FAM83B: variants seen among roughly 807,000 people sequenced by gnomAD.
The protein encoded by FAM83B is scaffolding CK1 anchoring protein B.
FAM83B carries 26 observed loss-of-function variants against 38.8 expected under a neutral mutation model. The ratio of observed to expected loss-of-function variants is 0.67; its 90% CI spans 0.49 to 0.93. The LOEUF (loss-of-function observed/expected upper bound fraction) is 0.93, where lower values mean the gene tolerates loss of function less well. FAM83B is among the 40% of genes least tolerant of loss of function. The pLI is 0.00. For synonymous variants in FAM83B, 419 were observed against 423.1 expected, an observed-to-expected ratio of 0.99 and a Z score of 0.12; for missense variants, 1,237 against 1,197.3, an observed-to-expected ratio of 1.03 and a Z score of -0.49.
chr6:54,852,127 C>G (rs1771314478), intron 1 of FAM83B, among the ~76,000 whole-genome samples: 1 of 152,176 alleles, frequency 6.6e-6, no homozygotes, highest in African/African-American at 2.4e-5. Context: ...CAGCACAGTT[C>G]TCTACTTTGG....
chr6:54,851,045 T>C (rs570870813), intron 1 of FAM83B, among the ~76,000 whole-genome samples: 78 of 151,046 alleles, frequency 5.2e-4, no homozygotes, highest in Non-Finnish European at 8.6e-4. Flanking sequence ...AAAAGTGCTG[T>C]ATTTTTCTCA....
At chr6:54,916,414 A>G (rs1446864289) in intron 2 of FAM83B, among the ~76,000 whole-genome samples, 2 of 152,136 alleles carry the variant, frequency 1.3e-5, no homozygotes, top group East Asian at 3.9e-4. Context: ...CAAAATCTAG[A>G]TTCTGAACCT....
intron 2 of FAM83B, among the ~76,000 whole-genome samples, chr6:54,873,886 T>G (rs1394270431): frequency 6.6e-6 from 1 of 152,044 alleles, no homozygotes; most frequent in African/African-American, 2.4e-5. Flanking sequence ...CTTGTGAAAA[T>G]AATGCCATTT....
rs1581937884 is a variant in FAM83B, at chr6:54,941,781, T to C, written c.2810T>C (p.Phe937Ser). 1.2e-6 allele frequency: 2 copies of C among 1,613,996 alleles called. No individual in the cohort carries two copies. The highest frequency in any genetic ancestry group is 2.7e-5 in the African/African-American group (2 of 74,920). Residue 937 changes from phenylalanine to serine, a missense_variant, in exon 5 of 5, where the codon TTT becomes TCT. Transcript: ENST00000306858. ...ACTGATCGGCGTGTTTACAGTCGTT[T>C]TGAGCCGTTTTGTAAGATTGAGAGC... The part of the protein sequence containing the change: ...HSTDRRVYSR[F>S]EPFCKIESSI...
At position 54,925,327 on chromosome 6, in the gene FAM83B, A is replaced by T. The variant is rs138186669; in HGVS notation, c.445-1044A>T. Among the ~76,000 whole-genome samples the T allele has an allele frequency of 5.7e-3, 866 of 152,072 alleles. 11 individuals carry two copies. The highest frequency in any genetic ancestry group is 0.019 in the African/African-American group (782 of 41,478). On this transcript the variant is annotated intron_variant, in intron 2 of 4. Coordinates refer to ENST00000306858, the MANE Select transcript of FAM83B (RefSeq NM_001010872.3). The stretch of plus-strand genomic sequence containing the variant: ...TTATTTATTATCTTTATTACTTATT[A>T]TGTCTTCCCCCACTAGAATGTAAGC...
At chr6:54,913,437 A>G (rs570635837) in intron 2 of FAM83B, among the ~76,000 whole-genome samples, 17 of 152,142 alleles carry the variant, frequency 1.1e-4, no homozygotes, top group Admixed American at 1.0e-3. Flanking sequence ...TATTTATTTG[A>G]TTTTATAGAT....
At chr6:54,938,149 C>G (rs1205057586) in intron 4 of FAM83B, among the ~76,000 whole-genome samples, 1 of 152,102 alleles carries the variant, frequency 6.6e-6, no homozygotes, top group East Asian at 1.9e-4. Context: ...AGTTACTTCA[C>G]TTAGAATAAT....
chr6:54,854,683 T>A (rs924425520), intron 1 of FAM83B, among the ~76,000 whole-genome samples: 2 of 152,152 alleles, frequency 1.3e-5, no homozygotes, highest in Non-Finnish European at 2.9e-5. Context: ...CCAAAAAAAA[T>A]TTGTGTAACT....
intron 2 of FAM83B, among the ~76,000 whole-genome samples, chr6:54,889,152 T>A (rs1221099285): frequency 6.6e-6 from 1 of 152,104 alleles, no homozygotes; most frequent in Non-Finnish European, 1.5e-5. Flanking sequence ...TCTTGGCATC[T>A]GTTGTCTTGA....
chr6:54,851,548 C>T (rs1771288631), intron 1 of FAM83B, among the ~76,000 whole-genome samples: 1 of 152,138 alleles, frequency 6.6e-6, no homozygotes. Context: ...TCTTGGCCCA[C>T]CACAACCTCT....
chr6:54,904,868 C>T (rs1437653673), intron 2 of FAM83B, among the ~76,000 whole-genome samples: 1 of 151,934 alleles, frequency 6.6e-6, no homozygotes, highest in East Asian at 1.9e-4. Context: ...AAAATATATT[C>T]TGTGGAGCAG....
intron 2 of FAM83B, among the ~76,000 whole-genome samples, chr6:54,895,604 T>G (rs1432113282): frequency 6.6e-6 from 1 of 152,224 alleles, no homozygotes; most frequent in Non-Finnish European, 1.5e-5. Context: ...GAACTGAATA[T>G]GTGAAGTTGA....
intron 2 of FAM83B, among the ~76,000 whole-genome samples, chr6:54,894,218 T>A (rs1158124798): frequency 6.6e-6 from 1 of 152,250 alleles, no homozygotes; most frequent in East Asian, 1.9e-4. Context: ...GGGATTGTAG[T>A]GTCCATTGAT....
At chr6:54,851,947 T>G (rs1049512252) in intron 1 of FAM83B, among the ~76,000 whole-genome samples, 3 of 142,296 alleles carry the variant, frequency 2.1e-5, no homozygotes, top group Non-Finnish European at 4.9e-5. Context: ...GCGCCCGGCC[T>G]AATTTTTGTG....
intron 3 of FAM83B, 104 bp downstream of exon 3, chr6:54,926,639 A>C: frequency 1.2e-6 from 1 of 829,216 alleles, no homozygotes; most frequent in African/African-American, 1.7e-5. Context: ...TGAAAAACAA[A>C]AAAAAATACG....
At position 54,941,251 on chromosome 6, in the gene FAM83B, A is replaced by G. The variant is rs1319372469; in HGVS notation, c.2280A>G (p.Glu760=). The G allele has an allele frequency of 6.2e-7, 1 of 1,612,680 alleles. No individual in the cohort carries two copies. Among genetic ancestry groups the G allele is most frequent in the Admixed American group, 1.7e-5 (1 of 59,732 alleles). The change falls in exon 5 of 5, where the codon GAA becomes GAG. Residue 760 remains glutamate (E), a synonymous_variant. Coordinates refer to ENST00000306858, the MANE Select transcript of FAM83B (RefSeq NM_001010872.3). ...ESNKELASKK[E]VKGSPSFLKK... ...ACAAAGAACTTGCTTCAAAGAAGGA[A>G]GTTAAGGGTTCCCCAAGTTTTTTGA...
At chr6:54,863,857 CT>C (rs1771641905) in intron 1 of FAM83B, among the ~76,000 whole-genome samples, 1 of 152,150 alleles carries the variant, frequency 6.6e-6, no homozygotes, top group South Asian at 2.1e-4. Context: ...TAATGTGTCT[CT>C]ATTTATTCAT....
intron 2 of FAM83B, among the ~76,000 whole-genome samples, chr6:54,886,264 G>A (rs528473302): frequency 1.3e-5 from 2 of 151,780 alleles, no homozygotes; most frequent in African/African-American, 4.8e-5. Context: ...AATTGTAGTC[G>A]TCAGTTTTTA....
chr6:54,929,182 C>A (rs993021249), intron 4 of FAM83B, among the ~76,000 whole-genome samples: 2 of 152,018 alleles, frequency 1.3e-5, no homozygotes, highest in South Asian at 2.1e-4. Flanking sequence ...TTATCATGGA[C>A]CTTTCCTGTT....
Sources: gnomAD v4.1 joint callset for allele counts (sites outside exome capture counted in the v4.1 genomes callset) on GRCh38, gnomAD v4.1.1 for gene constraint, MANE v1.5 for transcripts, NCBI Gene and HGNC (gene_info 2026-07-23, HGNC 2026-07-21) for gene names.